Variants in OSBPL8 observed in about 807,000 individuals in gnomAD.
OSBPL8 encodes the protein oxysterol binding protein like 8, also known as oxysterol-binding protein-related protein 8.
A neutral mutation model predicts 125.5 loss-of-function variants in OSBPL8; 59 were observed. The observed-to-expected ratio is 0.47, with a 90% CI of 0.38 to 0.58. The LOEUF is 0.58. Ranked by LOEUF, OSBPL8 falls within the 20% of genes least tolerant of loss-of-function variation. The pLI is 0.00. For synonymous variants in OSBPL8, 330 were observed against 338.9 expected (o/e 0.97, Z 0.29); for missense variants, 758 against 1,047.8 (o/e 0.72, Z 3.82).
chr12:76,455,693 T>C (rs1349643744), intron 3 of OSBPL8, among the ~76,000 whole-genome samples: 1 of 152,174 alleles, frequency 6.6e-6, no homozygotes, highest in Non-Finnish European at 1.5e-5. Flanking sequence ...CATTAACAAC[T>C]ATACAGACAA....
At chr12:76,520,121 G>A (rs140021665) in intron 1 of OSBPL8, among the ~76,000 whole-genome samples, 3,352 of 152,102 alleles carry the variant, frequency 0.022, 57 homozygotes, top group Non-Finnish European at 0.034. Flanking sequence ...CAAAATAATG[G>A]TAACTTAATT....
intron 2 of OSBPL8, among the ~76,000 whole-genome samples, chr12:76,480,167 C>CAAAAAAAAAAAAAAAAAAAAAAAAAAA (rs57582036): frequency 1.8e-5 from 1 of 56,384 alleles, no homozygotes; most frequent in Non-Finnish European, 3.1e-5. Context: ...AACTCCATCT[C>CAAAAAAAAAAAAAAAAAAAAAAAAAAA]AAAAAAAAAA....
chr12:76,397,976 T>G, intron 7 of OSBPL8, 79 bp from the exon 8 acceptor site: 1 of 1,258,768 alleles, frequency 7.9e-7, no homozygotes, highest in Non-Finnish European at 1.1e-6. Context: ...ATAAGATGTT[T>G]TAATCTAAAA....
chr12:76,390,577 T>C lies in OSBPL8; in HGVS notation c.1010A>G (p.Gln337Arg). ...YSDKSDKEND[Q>R]EHDESDNEVM... ...CTCATTATCAGACTCATCATGTTCT[T>C]GATCATTTTCTTTATCAGATTTATC... The change falls in exon 11 of 24, where the codon CAA (glutamine) becomes CGA (arginine). Residue 337 changes from glutamine to arginine, a missense_variant. By Grantham distance (43) the Gln-to-Arg change is conservative. Around this residue, in one of 3 missense-constraint regions of OSBPL8, gnomAD observed 572 missense variants for 762.0 expected, o/e 0.75. Coordinates refer to ENST00000261183, the MANE Select transcript of OSBPL8 (RefSeq NM_020841.5). The C allele has an allele frequency of 6.2e-7, 1 of 1,613,870 alleles. No homozygotes were observed.
chr12:76,455,041 T>C (rs1471112131), intron 3 of OSBPL8, among the ~76,000 whole-genome samples: 1 of 150,758 alleles, frequency 6.6e-6, no homozygotes, highest in Non-Finnish European at 1.5e-5. Context: ...GAGACCATCC[T>C]GGCTAACACG....
intron 1 of OSBPL8, among the ~76,000 whole-genome samples, chr12:76,520,228 A>T (rs890982160): frequency 3.9e-5 from 6 of 152,202 alleles, no homozygotes; most frequent in Admixed American, 1.3e-4. Flanking sequence ...AGTTCCTTTA[A>T]AAAACAAAAA....
intron 2 of OSBPL8, among the ~76,000 whole-genome samples, chr12:76,486,645 A>C (rs1364495219): frequency 1.3e-5 from 2 of 152,216 alleles, no homozygotes; most frequent in African/African-American, 4.8e-5. Context: ...GTATTAGGTA[A>C]GGTATACTTT....
intron 1 of OSBPL8, among the ~76,000 whole-genome samples, chr12:76,532,305 A>G (rs762892059): frequency 2.6e-5 from 4 of 152,182 alleles, no homozygotes; most frequent in African/African-American, 4.8e-5. Context: ...AAAAATCACT[A>G]TAAATTATCT....
At position 76,430,641 on chromosome 12, in the gene OSBPL8, TA is replaced by T. The variant is rs1870703518; in HGVS notation, c.218-20008del. ...TACAAGAGAATACAGATAGAAAATC[TA>T]ACAAAATCAGGAAAACACTGTAAGA... On this transcript the variant is annotated intron_variant, in intron 4 of 23. Transcript: ENST00000261183. 2.0e-5 allele frequency among the ~76,000 whole-genome samples: 3 copies of T among 152,178 alleles called. No homozygotes were observed. The South Asian group carries it at 6.2e-4, about 31-fold the overall frequency.
At chr12:76,504,733 A>G (rs1203657578) in intron 1 of OSBPL8, among the ~76,000 whole-genome samples, 1 of 152,212 alleles carries the variant, frequency 6.6e-6, no homozygotes, top group Non-Finnish European at 1.5e-5. Context: ...AAACTAATGA[A>G]AAGTCACAAG....
chr12:76,503,791 C>T (rs145800018), intron 1 of OSBPL8, among the ~76,000 whole-genome samples: 173 of 152,172 alleles, frequency 1.1e-3, no homozygotes, highest in African/African-American at 4.1e-3. Flanking sequence ...GATCCACCTG[C>T]CTCGGCCTCC....
intron 1 of OSBPL8, among the ~76,000 whole-genome samples, chr12:76,508,522 T>C (rs1423981258): frequency 6.6e-6 from 1 of 152,174 alleles, no homozygotes; most frequent in African/African-American, 2.4e-5. Context: ...TGAGGCCTAC[T>C]GGGCTGCATT....
chr12:76,530,720 AGGTG>A (rs1950314457), intron 1 of OSBPL8, among the ~76,000 whole-genome samples: 2 of 152,184 alleles, frequency 1.3e-5, no homozygotes, highest in Non-Finnish European at 2.9e-5. Context: ...CTATCACAGT[AGGTG>A]CTCCTTAGAC....
At chr12:76,385,952 AT>A in intron 14 of OSBPL8, 1 of 588,540 alleles carries the variant, frequency 1.7e-6, no homozygotes, top group Non-Finnish European at 2.4e-6. Context: ...ATAAAGATTT[AT>A]TTTTGGTCAA....
intron 1 of OSBPL8, among the ~76,000 whole-genome samples, chr12:76,552,282 C>T (rs1028625789): frequency 1.3e-5 from 2 of 151,638 alleles, no homozygotes; most frequent in Admixed American, 1.3e-4. Flanking sequence ...AAAAATTTGC[C>T]AGGCACGGTG....
At chr12:76,448,068 A>C (rs183646423) in intron 4 of OSBPL8, among the ~76,000 whole-genome samples, 21 of 152,322 alleles carry the variant, frequency 1.4e-4, no homozygotes, top group African/African-American at 5.1e-4. Context: ...TGTTAGATGT[A>C]ATAAAGGTTT....
At chr12:76,465,515 A>C (rs12823864) in intron 2 of OSBPL8, among the ~76,000 whole-genome samples, 1 of 151,754 alleles carries the variant, frequency 6.6e-6, no homozygotes. Context: ...AGCCAAGATC[A>C]CGCCACTGCA....
intron 15 of OSBPL8, 122 bp downstream of exon 15, chr12:76,384,132 A>G: frequency 2.1e-6 from 1 of 482,960 alleles, no homozygotes; most frequent in Non-Finnish European, 3.6e-6. Context: ...TTATTCAAGG[A>G]AAGATGATAC....
intron 4 of OSBPL8, among the ~76,000 whole-genome samples, chr12:76,447,757 G>A (rs1172878301): frequency 2.0e-5 from 3 of 152,148 alleles, no homozygotes; most frequent in Admixed American, 2.0e-4. Flanking sequence ...ATGTTGGCCA[G>A]GCTGGTCTCG....
Sources: allele counts gnomAD v4.1 joint callset (sites outside exome capture counted in the v4.1 genomes callset), GRCh38; gene constraint gnomAD v4.1.1; regional missense constraint gnomAD v4.1.1; transcripts MANE v1.5; gene names NCBI Gene and HGNC (gene_info 2026-07-23, HGNC 2026-07-21).